The following COBL variants were observed in gnomAD, a reference collection of about 807,000 sequenced individuals.
COBL encodes cordon-bleu WH2 repeat protein, also known as protein cordon-bleu.
A neutral mutation model predicts 98.8 loss-of-function variants in COBL; 51 were observed. The ratio of observed to expected loss-of-function variants is 0.52; its 90% CI spans 0.41 to 0.65. COBL has a LOEUF of 0.65. Among genes scored for constraint, COBL ranks in the 30% least tolerant of loss-of-function variants. COBL has a pLI of 0.00. For missense variants in COBL, 1,617 were observed against 1,617.5 expected (o/e 1.00, Z 0.01); for synonymous variants, 634 against 651.7 (o/e 0.97, Z 0.41).
At chr7:51,187,154 A>C (rs1349649406) in intron 4 of COBL, among the ~76,000 whole-genome samples, 2 of 152,132 alleles carry the variant, frequency 1.3e-5, no homozygotes, top group Non-Finnish European at 2.9e-5. Context: ...GGACCCTTAA[A>C]GACCAACGAG....
intron 1 of COBL, among the ~76,000 whole-genome samples, chr7:51,238,685 G>A (rs1034321743): frequency 5.3e-5 from 8 of 152,120 alleles, no homozygotes; most frequent in African/African-American, 1.9e-4. Context: ...CAAGGCTTCA[G>A]TGCAGGGTGT....
intron 1 of COBL, among the ~76,000 whole-genome samples, chr7:51,266,425 A>C (rs1348643191): frequency 2.0e-5 from 3 of 152,140 alleles, no homozygotes; most frequent in African/African-American, 7.2e-5. Flanking sequence ...CTAAAAATAC[A>C]AAATTAGCTG....
rs542118342 is a variant in COBL, at chr7:51,100,838, G to T, written c.958-15534C>A. ...GAATCACTTGAACCCGGGCAGCAGAGTTTGCAGTGAGCTGAGATCCTGCCA... is the reference window on the plus strand; with the variant it reads ...GAATCACTTGAACCCGGGCAGCAGATTTTGCAGTGAGCTGAGATCCTGCCA... On this transcript the variant is annotated intron_variant, in intron 6 of 12. Transcript: ENST00000265136. 1.2e-3 allele frequency among the ~76,000 whole-genome samples: 188 copies of T among 152,110 alleles called. 2 individuals carry two copies. The highest frequency in any genetic ancestry group is 4.1e-3 in the African/African-American group (171 of 41,530).
chr7:51,105,827 A>G (rs1185433921), intron 6 of COBL, among the ~76,000 whole-genome samples: 1 of 152,090 alleles, frequency 6.6e-6, no homozygotes, highest in Non-Finnish European at 1.5e-5. Flanking sequence ...CTTAAGTACT[A>G]ATACAAAAGA....
At chr7:51,177,775 A>AAAAAAAAT (rs370527329) in intron 5 of COBL, among the ~76,000 whole-genome samples, 4 of 142,840 alleles carry the variant, frequency 2.8e-5, no homozygotes, top group East Asian at 4.1e-4. Context: ...CTGTCTCAAA[A>AAAAAAAAT]AAATAAATAA....
intron 1 of COBL, among the ~76,000 whole-genome samples, chr7:51,280,759 GACCACC>G: frequency 6.6e-6 from 1 of 152,148 alleles, no homozygotes; most frequent in African/African-American, 2.4e-5. Flanking sequence ...GAACTGAACA[GACCACC>G]ACCCAAGTTC....
In COBL at chr7:51,058,142, G is replaced by A. The variant is rs769109679; in HGVS notation, c.1097-14450C>T. Among the ~76,000 whole-genome samples, 7 of 151,664 alleles carry A rather than the reference G, an allele frequency of 4.6e-5. No individual in the cohort carries two copies. In the South Asian group the frequency reaches 8.3e-4, roughly 18 times the overall value. On this transcript the variant is annotated intron_variant, in intron 7 of 12. Transcript: ENST00000265136. Reference sequence around the variant, plus strand: ...TTTTTTAGAAGCTTTTTGGATAAACGTAACAAAATTTCTTAAATGTTTGAA... The same window carrying A: ...TTTTTTAGAAGCTTTTTGGATAAACATAACAAAATTTCTTAAATGTTTGAA...
Position 51,190,953 on chromosome 7 carries a change from G to C in COBL, c.582C>G (p.His194Gln). The change falls in exon 4 of 13, where the codon CAC becomes CAG. Residue 194 changes from histidine to glutamine, a missense_variant. This residue lies in a region of COBL where 75 missense variants were observed against 120.5 expected (regional missense o/e 0.62). Coordinates refer to ENST00000265136, the MANE Select transcript of COBL (RefSeq NM_015198.5). ...ICAKCEVSPEHVVLLRDNIAG... is the reference protein window; with the variant it reads ...ICAKCEVSPEQVVLLRDNIAG... ...CAATGTTGTCCCTGAGGAGAACCAC[G>C]TGCTCTGGGCTGACCTCACACTTTG... The C allele has an allele frequency of 6.2e-7, 1 of 1,614,168 alleles. No individual in the cohort carries two copies. Among genetic ancestry groups the C allele is most frequent in the Non-Finnish European group, 8.5e-7 (1 of 1,180,044 alleles).
intron 1 of COBL, among the ~76,000 whole-genome samples, chr7:51,233,457 C>T (rs939085728): frequency 5.9e-5 from 9 of 152,174 alleles, no homozygotes; most frequent in African/African-American, 2.2e-4. Context: ...GTATTGAGTT[C>T]CTTCCAGCAA....
At position 51,302,062 on chromosome 7, in the gene COBL, G is replaced by T. The variant is rs947307747; in HGVS notation, c.41+14531C>A. ...GTGGCCCTCCCCGAGGGCAGCCGCC[G>T]AGCTGCATGTCTCCACAGCCTGGCC... On this transcript the variant is annotated intron_variant, in intron 1 of 12. Coordinates refer to ENST00000265136, the MANE Select transcript of COBL (RefSeq NM_015198.5). 2.0e-5 allele frequency among the ~76,000 whole-genome samples: 3 copies of T among 152,216 alleles called. No homozygotes were observed. The South Asian group carries it at 6.2e-4, about 32-fold the overall frequency.
intron 1 of COBL, among the ~76,000 whole-genome samples, chr7:51,251,625 C>A (rs1421933717): frequency 6.6e-6 from 1 of 152,168 alleles, no homozygotes. Flanking sequence ...CATTCTCTAT[C>A]CTTCAGAGAT....
chr7:51,193,618 T>C (rs1790329362), intron 2 of COBL, 29 bp from the exon 3 acceptor site: 2 of 1,598,724 alleles, frequency 1.3e-6, no homozygotes, highest in Admixed American at 1.7e-5. Context: ...ATCATGATTA[T>C]TAGGAATGAC....
chr7:51,279,562 C>T (rs1038483234), intron 1 of COBL, among the ~76,000 whole-genome samples: 3 of 152,142 alleles, frequency 2.0e-5, no homozygotes, highest in East Asian at 1.9e-4. Flanking sequence ...ACATGCAGAG[C>T]CTCCCCGACA....
chr7:51,276,696 T>C (rs1327598991), intron 1 of COBL, among the ~76,000 whole-genome samples: 1 of 151,980 alleles, frequency 6.6e-6, no homozygotes, highest in East Asian at 1.9e-4. Context: ...GCTGCAGCTG[T>C]GTGGGGCAAA....
intron 1 of COBL, among the ~76,000 whole-genome samples, chr7:51,224,102 C>G (rs1293735357): frequency 1.3e-5 from 2 of 152,112 alleles, no homozygotes; most frequent in African/African-American, 4.8e-5. Context: ...GGTTTGCAGC[C>G]CAGGAACAAT....
intron 6 of COBL, among the ~76,000 whole-genome samples, chr7:51,126,948 T>A: frequency 6.6e-6 from 1 of 152,222 alleles, no homozygotes; most frequent in South Asian, 2.1e-4. Flanking sequence ...ATTGAGGCCA[T>A]GTTCACCCGC....
rs1227516674 is a variant in COBL, at chr7:51,085,166, C to A, written c.1096G>T (p.Val366Leu). 1.2e-6 allele frequency: 2 copies of A among 1,613,758 alleles called. No homozygotes were observed. Among genetic ancestry groups the A allele is most frequent in the Non-Finnish European group, 1.7e-6 (2 of 1,179,984 alleles). ...AGACGGCAGGCCGAGCCTCACTCAC[C>A]CATCGTGCTCTTCCTGTTCTCCTCC... is the stretch of plus-strand genomic sequence containing the variant. ...DKEENRKSTM[V>L]SLPLGSGSHC... Residue 366 changes from valine (V) to leucine (L), a missense_variant and splice_region_variant, in exon 7 of 13, where the codon GTA (valine) becomes TTA (leucine). Physicochemically the swap from Val to Leu is conservative, Grantham distance 32 (BLOSUM62 1). Coordinates refer to ENST00000265136, the MANE Select transcript of COBL (RefSeq NM_015198.5).
At chr7:51,049,948 C>T in intron 7 of COBL, among the ~76,000 whole-genome samples, 1 of 152,204 alleles carries the variant, frequency 6.6e-6, no homozygotes, top group East Asian at 1.9e-4. Context: ...ATTTCCTAGG[C>T]ACAGTTTCCT....
chr7:51,210,513 C>T (rs560809349), intron 2 of COBL, among the ~76,000 whole-genome samples: 1 of 152,310 alleles, frequency 6.6e-6, no homozygotes, highest in South Asian at 2.1e-4. Context: ...CCAGCTTTGG[C>T]TCTTGCTTTG....
Sources: allele counts gnomAD v4.1 joint callset (sites outside exome capture counted in the v4.1 genomes callset), GRCh38; gene constraint gnomAD v4.1.1; regional missense constraint gnomAD v4.1.1; transcripts MANE v1.5; gene names NCBI Gene and HGNC (gene_info 2026-07-23, HGNC 2026-07-21).